ZNF711: variants seen among roughly 807,000 people sequenced by gnomAD.
ZNF711 encodes zinc finger protein 711.
In ZNF711, 3 loss-of-function variants were observed where a neutral mutation model predicts 43.5. The ratio of observed to expected loss-of-function variants is 0.07; its 90% CI spans 0.03 to 0.18. ZNF711 has a LOEUF of 0.18. ZNF711 is among the 10% of genes least tolerant of loss of function. The probability of loss-of-function intolerance (pLI) is 1.00; values close to 1 mark genes in which losing one functional copy is unlikely to be tolerated. For synonymous variants in ZNF711, 209 were observed against 207.7 expected (o/e 1.01, Z -0.06); for missense variants, 412 against 604.0 (o/e 0.68, Z 3.33).
At chrX:85,261,790 C>T (rs1051176095) in intron 5 of ZNF711, among the ~76,000 whole-genome samples, 3 of 110,731 alleles carry the variant, frequency 2.7e-5, no homozygotes, top group African/African-American at 9.8e-5. Flanking sequence ...TTACTTATTG[C>T]TGGATTGAGA....
At chrX:85,260,245 A>G (rs1010520628) in intron 5 of ZNF711, among the ~76,000 whole-genome samples, 24 of 110,695 alleles carry the variant, frequency 2.2e-4, no homozygotes, top group African/African-American at 6.9e-4. Context: ...AATGAAACCT[A>G]GTTGATCATG....
rs1931608136 is a variant in ZNF711, at chrX:85,272,005, ATTAC to A, written c.*181_*184del. 1.1e-5 allele frequency: 5 copies of A among 453,963 alleles called. No individual in the cohort carries two copies. The highest frequency in any genetic ancestry group is 3.6e-5 in the South Asian group (1 of 28,096). The allele number at this position is 453,963 out of a possible 1,213,427, so 37.4% of individuals were successfully genotyped here. The stretch of plus-strand genomic sequence containing the variant: ...CAGGGGATCCCATAGCCCTTTGAAA[ATTAC>A]TTAAAGAATTTAAGAAGCACTATAG... On this transcript the variant is annotated 3_prime_UTR_variant, in exon 11 of 11. Coordinates refer to ENST00000674551, the MANE Select transcript of ZNF711 (RefSeq NM_001330574.2).
intron 1 of ZNF711, among the ~76,000 whole-genome samples, chrX:85,244,405 T>A (rs1001941496): frequency 2.7e-5 from 3 of 110,282 alleles, no homozygotes; most frequent in African/African-American, 9.9e-5. Context: ...GAAGTAAGGG[T>A]TTTCCCCCTT....
chrX:85,263,212 A>G (rs972181984), intron 5 of ZNF711, among the ~76,000 whole-genome samples: 30 of 111,131 alleles, frequency 2.7e-4, no homozygotes, highest in Non-Finnish European at 2.1e-4. Context: ...TAATCTATTC[A>G]TTGCATAGTT....
intron 4 of ZNF711, among the ~76,000 whole-genome samples, chrX:85,248,593 C>T (rs964580034): frequency 9.3e-6 from 1 of 108,047 alleles, no homozygotes; most frequent in South Asian, 4.1e-4. Flanking sequence ...AACAAATAAA[C>T]TGAATTTGGC....
chrX:85,252,866 C>T (rs1225853047), intron 4 of ZNF711, among the ~76,000 whole-genome samples: 2 of 111,557 alleles, frequency 1.8e-5, no homozygotes, highest in African/African-American at 3.3e-5. Context: ...TTTCCCTTTT[C>T]ACCTTGTTCT....
chrX:85,256,866 A>G (rs745734077), intron 5 of ZNF711, among the ~76,000 whole-genome samples: 41 of 111,741 alleles, frequency 3.7e-4, no homozygotes, highest in Non-Finnish European at 6.8e-4. Flanking sequence ...ATAGATATAG[A>G]TTACTAAAGC....
rs745939786 is a variant in ZNF711, at chrX:85,265,161, T to C, written c.822T>C (p.His274=). 8.3e-7 allele frequency: 1 copy of C among 1,206,501 alleles called. No homozygotes were observed. The highest frequency in any genetic ancestry group is 1.8e-5 in the African/African-American group (1 of 56,879). ...IVTESEYTSG[H]SVAGVLDQSR... ...CAGAGAGTGAGTACACCAGTGGACA[T>C]TCAGTAGCTGGAGTGCTTGACCAGA... Residue 274 remains histidine (H), a synonymous_variant, in exon 7 of 11, where the codon CAT becomes CAC. Coordinates refer to ENST00000674551, the MANE Select transcript of ZNF711 (RefSeq NM_001330574.2).
At chrX:85,264,643 AG>A (rs1347112718) in intron 6 of ZNF711, among the ~76,000 whole-genome samples, 1 of 111,590 alleles carries the variant, frequency 9.0e-6, no homozygotes, top group Non-Finnish European at 1.9e-5. Context: ...ATACTGCAGC[AG>A]AAAATATCAA....
intron 1 of ZNF711, chrX:85,245,032 G>C (rs1928902293): frequency 8.9e-6 from 1 of 112,345 alleles, no homozygotes. Context: ...CGAAATGATT[G>C]AAACTTGGCA....
At chrX:85,244,902 GA>G (rs984694250) in intron 1 of ZNF711, 2 of 111,928 alleles carry the variant, frequency 1.8e-5, no homozygotes, top group Non-Finnish European at 3.8e-5. Flanking sequence ...GAGGAGGGAG[GA>G]GGGGAAAGGG....
rs1931659634 is a variant in ZNF711, at chrX:85,272,783, C to G, written c.*955C>G. 1 of 111,686 alleles carries G rather than the reference C, an allele frequency of 9.0e-6. No individual in the cohort carries two copies. The highest frequency in any genetic ancestry group is 3.3e-5 in the African/African-American group (1 of 30,750). 9.2% of individuals were successfully genotyped at this position (111,686 alleles called of 1,213,427 possible). On this transcript the variant is annotated 3_prime_UTR_variant, in exon 11 of 11. Coordinates refer to ENST00000674551, the MANE Select transcript of ZNF711 (RefSeq NM_001330574.2). ...CATTATTGAAATTGATTTTTAAAAT[C>G]TATATACCATATGATTAACATGCAT...
rs1055268880 is a variant in ZNF711, at chrX:85,269,374, CTTTTTTCTTTT to C, written c.1103-622_1103-612del. Among the ~76,000 whole-genome samples, 3 of 97,796 alleles carry C rather than the reference CTTTTTTCTTTT, an allele frequency of 3.1e-5. No individual in the cohort carries two copies. The Admixed American group carries it at 3.3e-4, about 11-fold the overall frequency. The allele number at this position is 97,796 out of a possible 115,157, so 84.9% of individuals were successfully genotyped here. A position where few individuals can be genotyped will look rare whatever the true frequency, so the allele number is the denominator to read the frequency against. On this transcript the variant is annotated intron_variant, in intron 9 of 10. Coordinates refer to ENST00000674551, the MANE Select transcript of ZNF711 (RefSeq NM_001330574.2). ...TTTTTTTCTTTTTCTTTCTTTCTTTCTTTTTTCTTTTTTTTTTTCAAGAGACAGGGTCTTCT... is the reference window on the plus strand; with the variant it reads ...TTTTTTTCTTTTTCTTTCTTTCTTTCTTTTTTTCAAGAGACAGGGTCTTCT...
In ZNF711 at chrX:85,271,416, A is replaced by G. The variant is rs775965389; in HGVS notation, c.2012A>G (p.Asp671Gly). ...TTTCCTCACAAATGTGAGGTCTGTGATAAAGGTTTTCATCGTCCTTCTGAG... is the reference window on the plus strand; with the variant it reads ...TTTCCTCACAAATGTGAGGTCTGTGGTAAAGGTTTTCATCGTCCTTCTGAG... ...KDFPHKCEVC[D>G]KGFHRPSELK... The change falls in exon 11 of 11, where the codon GAT (aspartate) becomes GGT (glycine). Residue 671 changes from aspartate (D) to glycine (G), a missense_variant. This residue lies in a region of ZNF711 where 375 missense variants were observed against 514.2 expected (regional missense o/e 0.73). Coordinates refer to ENST00000674551, the MANE Select transcript of ZNF711 (RefSeq NM_001330574.2). The G allele has an allele frequency of 1.7e-6, 2 of 1,211,282 alleles. No individual in the cohort carries two copies. Among genetic ancestry groups the G allele is most frequent in the South Asian group, 1.8e-5 (1 of 56,971 alleles).
chrX:85,266,468 TAGAG>T (rs1173329657), intron 7 of ZNF711, among the ~76,000 whole-genome samples: 3 of 111,060 alleles, frequency 2.7e-5, no homozygotes, highest in Non-Finnish European at 5.7e-5. Context: ...TTTTGGTTAA[TAGAG>T]AGAAGACAAA....
At position 85,255,326 on chromosome X, in the gene ZNF711, T is replaced by A; in HGVS notation, c.147T>A (p.Val49=). 1.2e-5 allele frequency: 14 copies of A among 1,211,727 alleles called. No homozygotes were observed. Among genetic ancestry groups the A allele is most frequent in the Non-Finnish European group, 1.6e-5 (14 of 895,406 alleles). ...DHIVVSVPEA[V]LVSDVVTDDG... is the part of the protein sequence containing the mutation. ...TTGTTGTTTCAGTTCCTGAAGCTGTTTTAGTTTCTGATGTTGTCACAGATG... is the reference window on the plus strand; with the variant it reads ...TTGTTGTTTCAGTTCCTGAAGCTGTATTAGTTTCTGATGTTGTCACAGATG... The change falls in exon 5 of 11, where the codon GTT becomes GTA. Residue 49 remains valine, a synonymous_variant. Transcript: ENST00000674551.
In ZNF711 at chrX:85,266,165, T is replaced by C. The variant is rs920552767; in HGVS notation, c.916+910T>C. 2.7e-5 allele frequency among the ~76,000 whole-genome samples: 3 copies of C among 110,979 alleles called. No homozygotes were observed. In the Admixed American group the frequency reaches 2.9e-4, roughly 11 times the overall value. On this transcript the variant is annotated intron_variant, in intron 7 of 10. Transcript: ENST00000674551. ...CCATTTCACTGCATTAACTTGACAA[T>C]ATTGGGCTTTACCTGTGCTGCACTC...
At chrX:85,268,405 G>A in intron 9 of ZNF711, 64 bp downstream of exon 9, 2 of 1,133,540 alleles carry the variant, frequency 1.8e-6, no homozygotes, top group Non-Finnish European at 2.4e-6. Flanking sequence ...TTACTGCTTG[G>A]TAAGTAACAA....
chrX:85,247,305 A>G (rs770231486), intron 3 of ZNF711, 117 bp downstream of exon 3: 7 of 338,843 alleles, frequency 2.1e-5, no homozygotes, highest in Non-Finnish European at 3.5e-5. Flanking sequence ...CCACTTCCCT[A>G]TGGCTCATCA....
Sources: allele counts gnomAD v4.1 joint callset (sites outside exome capture counted in the v4.1 genomes callset), GRCh38; gene constraint gnomAD v4.1.1; regional missense constraint gnomAD v4.1.1; transcripts MANE v1.5; gene names NCBI Gene and HGNC (gene_info 2026-07-23, HGNC 2026-07-21).